ZFP2: variants seen among roughly 807,000 people sequenced by gnomAD.
ZFP2 encodes ZFP2 zinc finger protein.
A neutral mutation model predicts 36.1 loss-of-function variants in ZFP2; 33 were observed. That is an observed-to-expected ratio of 0.92 (90% CI 0.69 to 1.22). The LOEUF (loss-of-function observed/expected upper bound fraction) is 1.22, where lower values mean the gene tolerates loss of function less well. Ranked by LOEUF, ZFP2 falls within the 50% of genes most tolerant of loss-of-function variation. The probability of loss-of-function intolerance (pLI) is 0.00; values close to 1 mark genes in which losing one functional copy is unlikely to be tolerated. For missense variants in ZFP2, 522 were observed against 551.4 expected, an observed-to-expected ratio of 0.95 and a Z score of 0.53; for synonymous variants, 170 against 178.0, an observed-to-expected ratio of 0.96 and a Z score of 0.36.
intron 3 of ZFP2, chr5:178,915,734 G>A (rs1758417855): frequency 6.6e-6 from 1 of 151,940 alleles, no homozygotes; most frequent in African/African-American, 2.4e-5. Context: ...GGAGGCTGAG[G>A]TGCAAGAATC....
intron 1 of ZFP2, among the ~76,000 whole-genome samples, chr5:178,903,571 C>T (rs1451476052): frequency 6.6e-6 from 1 of 152,098 alleles, no homozygotes; most frequent in Non-Finnish European, 1.5e-5. Context: ...TGCCAGTATT[C>T]TGTCATGTTT....
At chr5:178,909,989 T>G in intron 1 of ZFP2, 2 of 1,403,596 alleles carry the variant, frequency 1.4e-6, no homozygotes, top group Admixed American at 3.4e-5. Context: ...GGGTAGAGAC[T>G]AGTTTCCATA....
At chr5:178,902,229 A>G (rs1758073417) in intron 1 of ZFP2, among the ~76,000 whole-genome samples, 1 of 152,236 alleles carries the variant, frequency 6.6e-6, no homozygotes, top group Admixed American at 6.5e-5. Flanking sequence ...GTTTGTGTAT[A>G]TATATTTCTG....
Position 178,910,006 on chromosome 5 carries a change from T to C in ZFP2, c.-449-2578T>C. 3 of 1,427,234 alleles carry C rather than the reference T, an allele frequency of 2.1e-6. No individual in the cohort carries two copies. In the South Asian group the frequency reaches 3.4e-5, roughly 16 times the overall value. The allele number at this position is 1,427,234 out of a possible 1,614,324, so 88.4% of individuals were successfully genotyped here. ...GTAGAGACTAGTTTCCATAGGGTGATGGCTATTTGCCGATGCAGTGACCAC... is the reference window on the plus strand; with the variant it reads ...GTAGAGACTAGTTTCCATAGGGTGACGGCTATTTGCCGATGCAGTGACCAC... On this transcript the variant is annotated intron_variant, in intron 1 of 4. Transcript: ENST00000361362.
intron 1 of ZFP2, among the ~76,000 whole-genome samples, chr5:178,897,633 T>C (rs1458901346): frequency 6.6e-6 from 1 of 152,234 alleles, no homozygotes; most frequent in African/African-American, 2.4e-5. Context: ...TTATTTCATA[T>C]CTTGAATGAA....
chr5:178,904,488 CT>C (rs1758125707), intron 1 of ZFP2, among the ~76,000 whole-genome samples: 1 of 151,698 alleles, frequency 6.6e-6, no homozygotes, highest in Non-Finnish European at 1.5e-5. Context: ...TCTCCGTGGA[CT>C]TGAAATGGAA....
Position 178,931,218 on chromosome 5 carries a change from A to AT in ZFP2, c.-77-19_-77-18insT. The AT allele has an allele frequency of 6.9e-7, 1 of 1,447,454 alleles. No individual in the cohort carries two copies. The highest frequency in any genetic ancestry group is 9.2e-7 in the Non-Finnish European group (1 of 1,089,366). The allele number at this position is 1,447,454 out of a possible 1,614,324, so 89.7% of individuals were successfully genotyped here. ...TAGCACAGAAACCAATGTGCATTTG[A>AT]ATTTTTTTTTTTTTTCAGACTGGGA... On this transcript the variant is annotated intron_variant, in intron 4 of 4. Transcript: ENST00000361362.
At chr5:178,905,029 C>A (rs1758140691) in intron 1 of ZFP2, among the ~76,000 whole-genome samples, 1 of 152,030 alleles carries the variant, frequency 6.6e-6, no homozygotes, top group Non-Finnish European at 1.5e-5. Context: ...AGCAACTCTT[C>A]CCTCATTTTT....
chr5:178,909,845 G>A (rs1330419239), intron 1 of ZFP2: 14 of 1,587,490 alleles, frequency 8.8e-6, no homozygotes, highest in Non-Finnish European at 1.2e-5. Context: ...CTTCACTGTG[G>A]TTGCTGAGGT....
rs1690325637 is a variant in ZFP2 at position 178,932,177 on chromosome 5, T to A, written c.864T>A (p.His288Gln). The A allele has an allele frequency of 1.9e-6, 3 of 1,614,124 alleles. No individual in the cohort carries two copies. Among genetic ancestry groups the A allele is most frequent in the Middle Eastern group, 1.6e-4 (1 of 6,062 alleles). ...GTAAGAGCTCAACTCTTACCCTACA[T>A]CAGCGAAATCACACTGGAGAAAAAC... ...AFSKSSTLTL[H>Q]QRNHTGEKPY... Residue 288 changes from histidine (H) to glutamine (Q), a missense_variant, in exon 5 of 5, where the codon CAT (histidine) becomes CAA (glutamine). Physicochemically the swap from His to Gln is conservative, Grantham distance 24. Coordinates refer to ENST00000361362, the MANE Select transcript of ZFP2 (RefSeq NM_030613.4).
At position 178,912,557 on chromosome 5, in the gene ZFP2, C is replaced by T. The variant is rs574082883; in HGVS notation, c.-449-27C>T. 4.4e-4 allele frequency: 326 copies of T among 743,700 alleles called. 3 individuals carry two copies. The South Asian group carries it at 0.017, about 39-fold the overall frequency. The allele number at this position is 743,700 out of a possible 1,614,324, so 46.1% of individuals were successfully genotyped here. ...CACTCCCCTCAGAGGGTTTGGTTGG[C>T]ATAATCCCTTATTGAGGAATTTTTA... On this transcript the variant is annotated intron_variant, in intron 1 of 4. Coordinates refer to ENST00000361362, the MANE Select transcript of ZFP2 (RefSeq NM_030613.4).
intron 1 of ZFP2, among the ~76,000 whole-genome samples, chr5:178,903,325 AT>A (rs1758096794): frequency 6.6e-6 from 1 of 152,040 alleles, no homozygotes; most frequent in Admixed American, 6.5e-5. Flanking sequence ...TAAATTTAAT[AT>A]TTTTTTGAAT....
At chr5:178,925,107 T>TTATATATA (rs766110848) in intron 4 of ZFP2, among the ~76,000 whole-genome samples, 11,506 of 108,600 alleles carry the variant, frequency 0.11, 930 homozygotes, top group Non-Finnish European at 0.14. Flanking sequence ...AATTGAATCT[T>TTATATATA]TATATATATA....
chr5:178,910,656 C>G (rs1021373855), intron 1 of ZFP2: 3 of 379,052 alleles, frequency 7.9e-6, no homozygotes, highest in Non-Finnish European at 1.5e-5. Context: ...CAGTTGCCCT[C>G]ACTGCCGCTG....
chr5:178,922,018 C>T, intron 4 of ZFP2: 1 of 676,788 alleles, frequency 1.5e-6, no homozygotes, highest in East Asian at 2.5e-5. Context: ...ACATTTAAAG[C>T]TCCTTCCGCA....
chr5:178,897,306 C>T (rs572707039), intron 1 of ZFP2, among the ~76,000 whole-genome samples: 2 of 152,154 alleles, frequency 1.3e-5, no homozygotes, highest in East Asian at 3.9e-4. Flanking sequence ...GGATTGTTTA[C>T]ATTTGCATTT....
intron 4 of ZFP2, chr5:178,922,703 T>A (rs1758582442): frequency 6.3e-7 from 1 of 1,581,816 alleles, no homozygotes; most frequent in Admixed American, 1.7e-5. Flanking sequence ...GAAAGCAACT[T>A]ACATACAAGA....
At position 178,933,126 on chromosome 5, in the gene ZFP2, A is replaced by G. The variant is rs1758884340; in HGVS notation, c.*427A>G. 5.8e-6 allele frequency: 1 copy of G among 172,168 alleles called. No individual in the cohort carries two copies. Among genetic ancestry groups the G allele is most frequent in the African/African-American group, 2.4e-5 (1 of 41,516 alleles). 10.7% of individuals were successfully genotyped at this position (172,168 alleles called of 1,614,324 possible). A position where few individuals can be genotyped will look rare whatever the true frequency, so the allele number is the denominator to read the frequency against. On this transcript the variant is annotated 3_prime_UTR_variant, in exon 5 of 5. Transcript: ENST00000361362. ...CAGGTTATGGTTCTTTATTTGGTAA[A>G]TGAATGATTTTGGAGTTAGAAATCT...
Position 178,931,959 on chromosome 5 carries a change from T to G in ZFP2, c.646T>G (p.Cys216Gly), listed in dbSNP as rs769248284. ...RIHTGEKPYK[C>G]NECGKAFTQS... is the part of the protein sequence containing the mutation. ...TCATACTGGAGAGAAACCCTACAAA[T>G]GTAATGAATGTGGTAAAGCTTTTAC... is the stretch of plus-strand genomic sequence containing the variant. The change falls in exon 5 of 5, where the codon TGT (cysteine) becomes GGT (glycine). Residue 216 changes from cysteine to glycine, a missense_variant. Transcript: ENST00000361362. The G allele has an allele frequency of 1.2e-6, 2 of 1,613,962 alleles. No homozygotes were observed. Among genetic ancestry groups the G allele is most frequent in the Admixed American group, 3.3e-5 (2 of 60,024 alleles).
Sources: gnomAD v4.1 joint callset for allele counts (sites outside exome capture counted in the v4.1 genomes callset) on GRCh38, gnomAD v4.1.1 for gene constraint, MANE v1.5 for transcripts, NCBI Gene and HGNC (gene_info 2026-07-23, HGNC 2026-07-21) for gene names.